The following FARS2 variants were observed in gnomAD, a reference collection of about 807,000 sequenced individuals.
FARS2 encodes phenylalanyl-tRNA synthetase 2, mitochondrial, also known as phenylalanine--tRNA ligase, mitochondrial.
FARS2 carries 40 observed loss-of-function variants against 46.4 expected under a neutral mutation model. The observed-to-expected ratio is 0.86, with a 90% CI of 0.67 to 1.12. The LOEUF (loss-of-function observed/expected upper bound fraction) is 1.12, where lower values mean the gene tolerates loss of function less well. Among genes scored for constraint, FARS2 ranks in the 50% most tolerant of loss-of-function variants. FARS2 has a pLI of 0.00. For missense variants in FARS2, 513 were observed against 567.9 expected, an observed-to-expected ratio of 0.90 and a Z score of 0.98; for synonymous variants, 234 against 214.9, an observed-to-expected ratio of 1.09 and a Z score of -0.78.
intron 4 of FARS2, among the ~76,000 whole-genome samples, chr6:5,438,256 C>T (rs1198746959): frequency 1.2e-5 from 1 of 83,148 alleles, no homozygotes. Context: ...GCCCCCCCCC[C>T]CATTTTTGTT....
At chr6:5,259,733 T>G (rs957273370), upstream of FARS2, among the ~76,000 whole-genome samples, 5 of 151,896 alleles carry the variant, frequency 3.3e-5, no homozygotes, top group African/African-American at 1.2e-4. Flanking sequence ...AAGAGATGAG[T>G]TGATCCAACC....
chr6:5,374,579 C>A lies in FARS2; in HGVS notation c.612+5397C>A, dbSNP rs187932307. Among the ~76,000 whole-genome samples, 22 of 152,012 alleles carry A rather than the reference C, an allele frequency of 1.4e-4. No homozygotes were observed. In the East Asian group the frequency reaches 4.1e-3, roughly 28 times the overall value. On this transcript the variant is annotated intron_variant, in intron 2 of 6. Coordinates refer to ENST00000274680, the MANE Select transcript of FARS2 (RefSeq NM_006567.5). Reference sequence around the variant, plus strand: ...TGTTTCAGAACATAGAAAAGAGAGTCCTACCAAGCTCATTTTATGAGGTTA... The same window carrying A: ...TGTTTCAGAACATAGAAAAGAGAGTACTACCAAGCTCATTTTATGAGGTTA...
At chr6:5,740,313 C>A (rs1364793885) in intron 6 of FARS2, among the ~76,000 whole-genome samples, 1 of 152,086 alleles carries the variant, frequency 6.6e-6, no homozygotes, top group East Asian at 1.9e-4. Context: ...GGAAACTATT[C>A]GAAATAAGTT....
At chr6:5,679,172 C>T (rs1385835964) in intron 6 of FARS2, among the ~76,000 whole-genome samples, 2 of 152,104 alleles carry the variant, frequency 1.3e-5, no homozygotes, top group East Asian at 1.9e-4. Flanking sequence ...GCCAGAAAAC[C>T]GAGGTGACAA....
chr6:5,566,831 T>TGG (rs1772350325), intron 5 of FARS2, among the ~76,000 whole-genome samples: 1 of 152,206 alleles, frequency 6.6e-6, no homozygotes, highest in African/African-American at 2.4e-5. Context: ...AAAGTCCCCT[T>TGG]ACAGGTGAAA....
chr6:5,519,600 C>A (rs902714660), intron 4 of FARS2, among the ~76,000 whole-genome samples: 4 of 152,134 alleles, frequency 2.6e-5, no homozygotes, highest in Non-Finnish European at 4.4e-5. Context: ...GTACTCCCAA[C>A]AAGGCCAACG....
chr6:5,614,388 C>T (rs1233431024), intron 6 of FARS2, among the ~76,000 whole-genome samples: 1 of 151,696 alleles, frequency 6.6e-6, no homozygotes, highest in Admixed American at 6.6e-5. Flanking sequence ...GTCATTCAGA[C>T]TCCCACCTGT....
chr6:5,298,219 T>G (rs781124606), intron 1 of FARS2, among the ~76,000 whole-genome samples: 2 of 152,356 alleles, frequency 1.3e-5, no homozygotes, highest in Non-Finnish European at 2.9e-5. Flanking sequence ...TGTGTGTCAC[T>G]TCATGTCACT....
chr6:5,558,615 C>A (rs1466583113), intron 5 of FARS2, among the ~76,000 whole-genome samples: 1 of 152,064 alleles, frequency 6.6e-6, no homozygotes, highest in Non-Finnish European at 1.5e-5. Flanking sequence ...CGGCTCACTG[C>A]AAACTCTGCC....
chr6:5,449,573 T>G (rs1226874963), intron 4 of FARS2, among the ~76,000 whole-genome samples: 1 of 152,222 alleles, frequency 6.6e-6, no homozygotes, highest in Admixed American at 6.5e-5. Context: ...TTTATTTGAC[T>G]TATTCATTCA....
At chr6:5,585,252 T>C (rs1302384061) in intron 5 of FARS2, among the ~76,000 whole-genome samples, 1 of 152,198 alleles carries the variant, frequency 6.6e-6, no homozygotes, top group African/African-American at 2.4e-5. Context: ...TGTGTAATGA[T>C]TACTACAATC....
chr6:5,676,817 T>C (rs1003235407), intron 6 of FARS2, among the ~76,000 whole-genome samples: 1 of 152,228 alleles, frequency 6.6e-6, no homozygotes, highest in Non-Finnish European at 1.5e-5. Flanking sequence ...AGATTCCCTC[T>C]CTCATTCTGG....
intron 5 of FARS2, among the ~76,000 whole-genome samples, chr6:5,584,897 A>AT: frequency 6.6e-6 from 1 of 152,126 alleles, no homozygotes; most frequent in Non-Finnish European, 1.5e-5. Flanking sequence ...TAAAATCCTG[A>AT]TTTTCAGTTC....
chr6:5,258,737 T>C (rs947698899), upstream of FARS2, among the ~76,000 whole-genome samples: 3 of 152,250 alleles, frequency 2.0e-5, no homozygotes, highest in Non-Finnish European at 4.4e-5. Flanking sequence ...TATATTTGGA[T>C]AGTAAATTTA....
At chr6:5,297,942 T>G (rs1403914426) in intron 1 of FARS2, among the ~76,000 whole-genome samples, 1 of 152,246 alleles carries the variant, frequency 6.6e-6, no homozygotes, top group East Asian at 1.9e-4. Flanking sequence ...GAAGTTTACT[T>G]TTAAATAAAA....
At chr6:5,687,314 G>C (rs1475588077) in intron 6 of FARS2, among the ~76,000 whole-genome samples, 1 of 152,202 alleles carries the variant, frequency 6.6e-6, no homozygotes, top group African/African-American at 2.4e-5. Flanking sequence ...TTTTCTTCTA[G>C]GGTTTTTATG....
chr6:5,662,629 A>G (rs1371688748), intron 6 of FARS2, among the ~76,000 whole-genome samples: 2 of 152,228 alleles, frequency 1.3e-5, no homozygotes, highest in South Asian at 4.1e-4. Context: ...AAAGAGATGA[A>G]CTTCTACTTT....
At chr6:5,250,335 A>G in the FARS2 span, among the ~76,000 whole-genome samples, 259 of 152,314 alleles carry the variant, frequency 1.7e-3, 1 homozygote, top group Non-Finnish European at 3.2e-3. Flanking sequence ...CGCAGATCTA[A>G]TAACTTTTTA....
rs1762726510 is a variant in FARS2 at position 5,765,919 on chromosome 6, C to G, written c.1218-5372C>G. 6.6e-6 allele frequency among the ~76,000 whole-genome samples: 1 copy of G among 152,038 alleles called. No individual in the cohort carries two copies. The highest frequency in any genetic ancestry group is 1.5e-5 in the Non-Finnish European group (1 of 68,018). On this transcript the variant is annotated intron_variant, in intron 6 of 6. Transcript: ENST00000274680. This position sits in a 1 kb window ranked among gnomAD's most constrained non-coding sequence, Gnocchi z 4.0. ...ATGAATAAACTGGTGACAATGGAAG[C>G]CCCAGAGGTTCAAACATTCTAAGAT...
Sources: allele counts gnomAD v4.1 joint callset (sites outside exome capture counted in the v4.1 genomes callset), GRCh38; gene constraint gnomAD v4.1.1; non-coding constraint Gnocchi (gnomAD v3.1); transcripts MANE v1.5; gene names NCBI Gene and HGNC (gene_info 2026-07-23, HGNC 2026-07-21).